The following GRID2 variants were observed in gnomAD, a reference collection of about 807,000 sequenced individuals.
The protein encoded by GRID2 is glutamate receptor ionotropic, delta-2.
Under a neutral mutation model 114.8 loss-of-function variants are expected in GRID2, and 33 were observed. The observed-to-expected ratio is 0.29, with a 90% CI of 0.22 to 0.38. GRID2 has a LOEUF of 0.38. GRID2 is among the 10% of genes least tolerant of loss of function. The pLI is 1.00. For missense variants in GRID2, 1,184 were observed against 1,257.7 expected (o/e 0.94, Z 0.89); for synonymous variants, 505 against 449.9 (o/e 1.12, Z -1.55).
At chr4:93,494,140 A>G (rs1485458272) in intron 12 of GRID2, among the ~76,000 whole-genome samples, 2 of 151,878 alleles carry the variant, frequency 1.3e-5, no homozygotes, top group South Asian at 2.1e-4. Context: ...TAGAAAAGAC[A>G]AACTTTTTTT....
intron 8 of GRID2, among the ~76,000 whole-genome samples, chr4:93,269,762 C>G (rs1008020058): frequency 6.6e-6 from 1 of 152,288 alleles, no homozygotes; most frequent in South Asian, 2.1e-4. Context: ...AATATCCCTT[C>G]AGGGACTTGA....
At chr4:92,863,593 C>T (rs1417068687) in intron 2 of GRID2, among the ~76,000 whole-genome samples, 1 of 152,120 alleles carries the variant, frequency 6.6e-6, no homozygotes, top group Non-Finnish European at 1.5e-5. Flanking sequence ...AGGGTAAGTA[C>T]ATATTTGTGA....
intron 13 of GRID2, among the ~76,000 whole-genome samples, chr4:93,531,881 ATTAGTTACAAT>A: frequency 6.6e-6 from 1 of 151,984 alleles, no homozygotes; most frequent in Non-Finnish European, 1.5e-5. Flanking sequence ...CCCTATTAGA[ATTAGTTACAAT>A]TTTACCACAT....
chr4:92,304,653 G>A lies in GRID2; in HGVS notation c.-4G>A, dbSNP rs765888858. The A allele has an allele frequency of 1.2e-6, 2 of 1,605,946 alleles. No homozygotes were observed. Among genetic ancestry groups the A allele is most frequent in the Admixed American group, 1.7e-5 (1 of 59,978 alleles). On this transcript the variant is annotated 5_prime_UTR_variant, in exon 1 of 16. Transcript: ENST00000282020. The stretch of plus-strand genomic sequence containing the variant: ...ATCCTCCAAGAGAATCGGCATAGGA[G>A]GAGATGGAAGTTTTCCCCTTTCTCT...
intron 2 of GRID2, among the ~76,000 whole-genome samples, chr4:93,000,537 A>G (rs1263199327): frequency 6.6e-6 from 1 of 151,646 alleles, no homozygotes; most frequent in African/African-American, 2.4e-5. Context: ...CCTTTGATTC[A>G]AAGAAGCATA....
rs34215461 is a variant in GRID2 at position 93,131,145 on chromosome 4, A to ATTTTTTTTTTTTTTTTTTTTTTT, written c.735+20194_735+20216dup. Reference sequence around the variant, plus strand: ...AGAACTTCCATGAAAAGATTAAATAATTTTTTTTTTTTTTTTTTTTTTTTG... The same window carrying ATTTTTTTTTTTTTTTTTTTTTTT: ...AGAACTTCCATGAAAAGATTAAATAATTTTTTTTTTTTTTTTTTTTTTTTTTTTTTTTTTTTTTTTTTTTTTTG... On this transcript the variant is annotated intron_variant, in intron 4 of 15. Coordinates refer to ENST00000282020, the MANE Select transcript of GRID2 (RefSeq NM_001510.4). 2.5e-4 allele frequency among the ~76,000 whole-genome samples: 22 copies of ATTTTTTTTTTTTTTTTTTTTTTT among 88,752 alleles called. 4 individuals carry two copies. The highest frequency in any genetic ancestry group is 8.9e-4 in the African/African-American group (17 of 19,072). 58.2% of individuals were successfully genotyped at this position (88,752 alleles called of 152,430 possible).
At chr4:92,910,383 G>C (rs1048410469) in intron 2 of GRID2, among the ~76,000 whole-genome samples, 3 of 152,040 alleles carry the variant, frequency 2.0e-5, no homozygotes, top group Non-Finnish European at 4.4e-5. Context: ...ATAGGATTAC[G>C]ATGTCTGTGG....
At chr4:93,227,838 A>G (rs776248160) in intron 7 of GRID2, among the ~76,000 whole-genome samples, 5 of 152,176 alleles carry the variant, frequency 3.3e-5, no homozygotes, top group African/African-American at 9.7e-5. Context: ...CCAATACCCT[A>G]TTACTCATTT....
intron 13 of GRID2, among the ~76,000 whole-genome samples, chr4:93,566,684 C>T (rs1735454667): frequency 6.6e-6 from 1 of 152,026 alleles, no homozygotes; most frequent in African/African-American, 2.4e-5. Flanking sequence ...GTATGAGAAT[C>T]GCCTGAACCC....
Position 93,588,995 on chromosome 4 carries a change from A to G in GRID2, c.2194-37274A>G, listed in dbSNP as rs544927710. ...GAATGAAGTCCTAGCTTTTCAGCGT[A>G]GAATTCAACAACGTTCATGATTCTG... On this transcript the variant is annotated intron_variant, in intron 13 of 15. Coordinates refer to ENST00000282020, the MANE Select transcript of GRID2 (RefSeq NM_001510.4). Among the ~76,000 whole-genome samples, 3 of 152,034 alleles carry G rather than the reference A, an allele frequency of 2.0e-5. No individual in the cohort carries two copies. The East Asian group carries it at 5.8e-4, about 29-fold the overall frequency.
intron 4 of GRID2, among the ~76,000 whole-genome samples, chr4:93,144,025 T>G (rs555869030): frequency 6.6e-6 from 1 of 152,282 alleles, no homozygotes; most frequent in East Asian, 1.9e-4. Flanking sequence ...TTTCCTCTAA[T>G]GCAAAATTAG....
intron 14 of GRID2, among the ~76,000 whole-genome samples, chr4:93,632,478 T>C (rs886840143): frequency 3.3e-5 from 5 of 152,228 alleles, no homozygotes; most frequent in African/African-American, 1.2e-4. Context: ...TAGGGAATCC[T>C]TTCCCCATTT....
At chr4:92,973,280 A>C (rs908801118) in intron 2 of GRID2, among the ~76,000 whole-genome samples, 2 of 152,106 alleles carry the variant, frequency 1.3e-5, no homozygotes, top group Non-Finnish European at 2.9e-5. Context: ...TCCCATCTAT[A>C]TTTTCCCACC....
intron 11 of GRID2, among the ~76,000 whole-genome samples, chr4:93,465,591 G>A (rs756967178): frequency 6.6e-6 from 1 of 152,100 alleles, no homozygotes; most frequent in Non-Finnish European, 1.5e-5. Context: ...AAAACTATTA[G>A]AACTGTATTC....
At chr4:93,413,614 T>C (rs1359967449) in intron 9 of GRID2, among the ~76,000 whole-genome samples, 1 of 152,210 alleles carries the variant, frequency 6.6e-6, no homozygotes, top group Non-Finnish European at 1.5e-5. Flanking sequence ...TAGTTCTTGT[T>C]ATTTTAATTT....
At chr4:92,807,798 CAT>C (rs1475474378) in intron 2 of GRID2, among the ~76,000 whole-genome samples, 3 of 151,890 alleles carry the variant, frequency 2.0e-5, no homozygotes, top group Non-Finnish European at 4.4e-5. Flanking sequence ...CATTTACCCA[CAT>C]GTTTATGTGT....
chr4:93,284,476 C>T (rs1752947297), intron 8 of GRID2, among the ~76,000 whole-genome samples: 1 of 151,792 alleles, frequency 6.6e-6, no homozygotes, highest in Admixed American at 6.6e-5. Context: ...ACCTATGTAA[C>T]AAACCTGCAC....
chr4:92,662,517 T>G (rs1049392294), intron 2 of GRID2, among the ~76,000 whole-genome samples: 15 of 151,024 alleles, frequency 9.9e-5, no homozygotes, highest in African/African-American at 3.6e-4. Context: ...AAAAAGTTAC[T>G]TTGAATCATT....
intron 2 of GRID2, among the ~76,000 whole-genome samples, chr4:92,849,308 C>G (rs1265289223): frequency 6.6e-6 from 1 of 151,874 alleles, no homozygotes; most frequent in African/African-American, 2.4e-5. Context: ...TCTGCAGGGC[C>G]TGGTTTCTCT....
Sources: allele counts gnomAD v4.1 joint callset (sites outside exome capture counted in the v4.1 genomes callset), GRCh38; gene constraint gnomAD v4.1.1; transcripts MANE v1.5; gene names NCBI Gene and HGNC (gene_info 2026-07-23, HGNC 2026-07-21).